Variants in NLRP5 observed in about 807,000 individuals in gnomAD.
NLRP5 encodes NACHT, LRR and PYD domains-containing protein 5.
Under a neutral mutation model 113.1 loss-of-function variants are expected in NLRP5, and 93 were observed. The ratio of observed to expected loss-of-function variants is 0.82; its 90% CI spans 0.70 to 0.98. NLRP5 has a LOEUF of 0.98. NLRP5 is among the 50% of genes least tolerant of loss of function. The probability of loss-of-function intolerance (pLI) is 0.00; values close to 1 mark genes in which losing one functional copy is unlikely to be tolerated. For missense variants in NLRP5, 1,808 were observed against 1,514.3 expected, an observed-to-expected ratio of 1.19 and a Z score of -3.22; for synonymous variants, 751 against 600.7, an observed-to-expected ratio of 1.25 and a Z score of -3.66.
At chr19:56,048,036 G>C (rs914272934) in intron 11 of NLRP5, among the ~76,000 whole-genome samples, 17 of 152,182 alleles carry the variant, frequency 1.1e-4, no homozygotes, top group Non-Finnish European at 2.2e-4. Context: ...TCTAAGAATA[G>C]TTACCCCTGC....
intron 13 of NLRP5, 33 bp from the exon 14 acceptor site, chr19:56,058,207 T>C (rs202179617): frequency 9.5e-6 from 15 of 1,571,222 alleles, no homozygotes; most frequent in South Asian, 8.0e-5. Context: ...CATCGATCTT[T>C]GGGGTTATTT....
the NLRP5 span, among the ~76,000 whole-genome samples, chr19:55,992,985 G>A: frequency 3.0e-4 from 45 of 152,024 alleles, no homozygotes; most frequent in Non-Finnish European, 4.0e-4. Context: ...GAGTAGCTGG[G>A]ATTACGGGCA....
intron 7 of NLRP5, among the ~76,000 whole-genome samples, chr19:56,031,215 A>G (rs1230615675): frequency 6.6e-6 from 1 of 152,036 alleles, no homozygotes; most frequent in Non-Finnish European, 1.5e-5. Flanking sequence ...GGATCTCTAG[A>G]ACTTTTTCAT....
In NLRP5 at chr19:56,028,364, T is replaced by G. The variant is rs566339227; in HGVS notation, c.2131T>G (p.Trp711Gly). Residue 711 changes from tryptophan to glycine, a missense_variant, in exon 7 of 15, where the codon TGG becomes GGG. Transcript: ENST00000390649. ...GGCATTAAACAGCTTCCAAGAAGTG[T>G]GGCTTCCGATTAACCAGAACCTGGA... The G allele has an allele frequency of 4.6e-5, 74 of 1,614,016 alleles. 1 individual carries two copies. In the South Asian group the frequency reaches 7.8e-4, roughly 17 times the overall value.
At chr19:56,041,663 T>A (rs1485502806) in intron 11 of NLRP5, among the ~76,000 whole-genome samples, 1 of 152,062 alleles carries the variant, frequency 6.6e-6, no homozygotes. Flanking sequence ...ACAACACTAT[T>A]GCAGCGGGGC....
intron 1 of NLRP5, chr19:55,999,858 A>C: frequency 9.1e-7 from 1 of 1,098,186 alleles, no homozygotes; most frequent in Non-Finnish European, 1.4e-6. Flanking sequence ...CACGGATCGA[A>C]TCCCCTGCCC....
intron 2 of NLRP5, among the ~76,000 whole-genome samples, chr19:56,006,195 T>G (rs1981902225): frequency 6.6e-6 from 1 of 152,038 alleles, no homozygotes; most frequent in African/African-American, 2.4e-5. Flanking sequence ...AAACACCGCA[T>G]GTTGTCACTC....
intron 11 of NLRP5, among the ~76,000 whole-genome samples, chr19:56,048,619 C>G (rs1484612479): frequency 6.6e-6 from 1 of 152,090 alleles, no homozygotes; most frequent in African/African-American, 2.4e-5. Flanking sequence ...TCATAGGTTA[C>G]CTGGTGCTTC....
At position 56,028,443 on chromosome 19, in the gene NLRP5, G is replaced by A. The variant is rs375006739; in HGVS notation, c.2210G>A (p.Arg737Gln). The A allele has an allele frequency of 6.2e-6, 10 of 1,613,898 alleles. No individual in the cohort carries two copies. The highest frequency in any genetic ancestry group is 4.5e-5 in the East Asian group (2 of 44,892). The change falls in exon 7 of 15, where the codon CGG becomes CAG. Residue 737 changes from arginine to glutamine, a missense_variant. Coordinates refer to ENST00000390649, the MANE Select transcript of NLRP5 (RefSeq NM_153447.4). Reference sequence around the variant, plus strand: ...CACTGTCCGTATTTGCGGAAAATTCGGGTGGATGTCAAAGGGATCTTCCCA... The same window carrying A: ...CACTGTCCGTATTTGCGGAAAATTCAGGTGGATGTCAAAGGGATCTTCCCA...
At chr19:56,001,001 T>C (rs911387740) in intron 1 of NLRP5, among the ~76,000 whole-genome samples, 1 of 151,294 alleles carries the variant, frequency 6.6e-6, no homozygotes, top group Non-Finnish European at 1.5e-5. Context: ...AGTGAGACTC[T>C]ATCAAAAAGA....
chr19:56,009,571 A>C (rs1982101845), intron 3 of NLRP5, among the ~76,000 whole-genome samples: 1 of 152,118 alleles, frequency 6.6e-6, no homozygotes, highest in African/African-American at 2.4e-5. Flanking sequence ...GCGTATTTAC[A>C]ATACATCGTT....
At chr19:55,994,335 CAT>C in the NLRP5 span, among the ~76,000 whole-genome samples, 1 of 152,152 alleles carries the variant, frequency 6.6e-6, no homozygotes, top group Non-Finnish European at 1.5e-5. Flanking sequence ...TTGAGTTCCT[CAT>C]ATATTCTGGG....
intron 11 of NLRP5, among the ~76,000 whole-genome samples, chr19:56,047,081 C>G (rs986109685): frequency 2.0e-5 from 3 of 151,860 alleles, no homozygotes; most frequent in African/African-American, 7.3e-5. Context: ...TCAGTGATGT[C>G]AGTTGTAGTA....
the NLRP5 span, among the ~76,000 whole-genome samples, chr19:55,990,213 C>T: frequency 6.6e-6 from 1 of 150,686 alleles, no homozygotes; most frequent in East Asian, 2.0e-4. Context: ...CTCAGCCTCC[C>T]GAGTAGCTGG....
chr19:56,010,742 C>CCAAAAAAAAAAAAAAAAAAAAA lies in NLRP5; in HGVS notation c.508+1889_508+1890insCAAAAAAAAAAAAAAAAAAAAA, dbSNP rs1555764914. Among the ~76,000 whole-genome samples the CCAAAAAAAAAAAAAAAAAAAAA allele has an allele frequency of 8.7e-4, 36 of 41,270 alleles. 2 individuals are homozygous for CCAAAAAAAAAAAAAAAAAAAAA. Among genetic ancestry groups the CCAAAAAAAAAAAAAAAAAAAAA allele is most frequent in the African/African-American group, 3.4e-3 (33 of 9,600 alleles). 27.1% of individuals were successfully genotyped at this position (41,270 alleles called of 152,430 possible). A position where few individuals can be genotyped will look rare whatever the true frequency, so the allele number is the denominator to read the frequency against. The stretch of plus-strand genomic sequence containing the variant: ...GGGAAACAAGAGCTTAACTCTGTCT[C>CCAAAAAAAAAAAAAAAAAAAAA]AAAAAAAAAAAAAGTCCCTTGAAAC... On this transcript the variant is annotated intron_variant, in intron 3 of 14. Coordinates refer to ENST00000390649, the MANE Select transcript of NLRP5 (RefSeq NM_153447.4).
At chr19:56,010,835 A>G (rs1246100342) in intron 3 of NLRP5, among the ~76,000 whole-genome samples, 2 of 151,268 alleles carry the variant, frequency 1.3e-5, no homozygotes, top group African/African-American at 2.4e-5. Flanking sequence ...CCATGTATAC[A>G]ATAGTATATT....
chr19:55,995,340 C>G (rs1286627809), upstream of NLRP5, among the ~76,000 whole-genome samples: 6 of 151,994 alleles, frequency 3.9e-5, no homozygotes, highest in Admixed American at 3.9e-4. Flanking sequence ...CACATGTACC[C>G]TAGAACTTAA....
rs115980394 is a variant in NLRP5 at position 56,042,101 on chromosome 19, T to C, written c.2957+1009T>C. Among the ~76,000 whole-genome samples, 948 of 152,300 alleles carry C rather than the reference T, an allele frequency of 6.2e-3. 6 individuals carry two copies. The highest frequency in any genetic ancestry group is 0.022 in the African/African-American group (902 of 41,556). On this transcript the variant is annotated intron_variant, in intron 11 of 14. Coordinates refer to ENST00000390649, the MANE Select transcript of NLRP5 (RefSeq NM_153447.4). ...GCAACGTGTGTCTGGAGACTCAAGT[T>C]CTTCTCTGCTCTGCACACATGCATG...
chr19:56,027,590 C>T lies in NLRP5; in HGVS notation c.1357C>T (p.Gln453Ter). The T allele has an allele frequency of 6.2e-7, 1 of 1,613,930 alleles. No individual in the cohort carries two copies. Among genetic ancestry groups the T allele is most frequent in the Non-Finnish European group, 8.5e-7 (1 of 1,179,894 alleles). ...CGGGATTGGTGAGCATCAGAAGACA[C>T]AAGGGTTGCGTGCGATCATGAACAA... Residue 453 changes from glutamine to a stop codon, truncating the protein, a stop_gained, in exon 7 of 15, where the codon CAA becomes TAA. Coordinates refer to ENST00000390649, the MANE Select transcript of NLRP5 (RefSeq NM_153447.4). LOFTEE classifies it high-confidence loss of function.
Sources: gnomAD v4.1 joint callset for allele counts (sites outside exome capture counted in the v4.1 genomes callset) on GRCh38, gnomAD v4.1.1 for gene constraint, MANE v1.5 for transcripts, NCBI Gene and HGNC (gene_info 2026-07-23, HGNC 2026-07-21) for gene names.